Variants in EPHA6 observed in about 807,000 individuals in gnomAD.
EPHA6 encodes EPH receptor A6.
In EPHA6, 50 loss-of-function variants were observed where a neutral mutation model predicts 112.0. The ratio of observed to expected loss-of-function variants is 0.45; its 90% confidence interval spans 0.36 to 0.56. The LOEUF is 0.56. Ranked by LOEUF, EPHA6 falls within the 20% of genes least tolerant of loss-of-function variation. The probability of loss-of-function intolerance (pLI) is 0.00; values close to 1 mark genes in which losing one functional copy is unlikely to be tolerated. For missense variants in EPHA6, 1,280 were observed against 1,417.4 expected (o/e 0.90, Z 1.56); for synonymous variants, 529 against 490.7 (o/e 1.08, Z -1.03).
intron 6 of EPHA6, among the ~76,000 whole-genome samples, chr3:97,416,133 A>G (rs2088104290): frequency 6.6e-6 from 1 of 152,040 alleles, no homozygotes; most frequent in South Asian, 2.1e-4. Context: ...ATTTTGTTTT[A>G]ATATAGAAAA....
At chr3:97,042,883 G>T (rs1308818482) in intron 3 of EPHA6, among the ~76,000 whole-genome samples, 3 of 152,106 alleles carry the variant, frequency 2.0e-5, no homozygotes, top group Non-Finnish European at 4.4e-5. Flanking sequence ...AGGCAGTCTA[G>T]AACCTGTTGT....
At chr3:97,378,317 GAT>G (rs1313999707) in intron 5 of EPHA6, among the ~76,000 whole-genome samples, 1 of 152,178 alleles carries the variant, frequency 6.6e-6, no homozygotes, top group Non-Finnish European at 1.5e-5. Flanking sequence ...TCTCTGCCTA[GAT>G]TTAAGAAAAT....
At chr3:97,444,892 T>C (rs953174646) in intron 6 of EPHA6, among the ~76,000 whole-genome samples, 2 of 152,022 alleles carry the variant, frequency 1.3e-5, no homozygotes, top group African/African-American at 4.8e-5. Context: ...AGATTCAGTG[T>C]GACAGTATGA....
intron 5 of EPHA6, among the ~76,000 whole-genome samples, chr3:97,353,944 T>G (rs2083936732): frequency 6.6e-6 from 1 of 152,200 alleles, no homozygotes; most frequent in Non-Finnish European, 1.5e-5. Context: ...AGATTCCATT[T>G]GTTTGAGGGA....
intron 11 of EPHA6, among the ~76,000 whole-genome samples, chr3:97,562,564 G>T (rs1413577370): frequency 6.6e-6 from 1 of 152,134 alleles, no homozygotes; most frequent in Non-Finnish European, 1.5e-5. Flanking sequence ...CAAAGAAAGT[G>T]GTTTCTTGAG....
intron 14 of EPHA6, among the ~76,000 whole-genome samples, chr3:97,644,717 A>C (rs2094042212): frequency 6.7e-6 from 1 of 149,996 alleles, no homozygotes; most frequent in South Asian, 2.1e-4. Flanking sequence ...TGACACATAC[A>C]CTCTCCCAAG....
chr3:97,010,154 G>A (rs574497354), intron 3 of EPHA6: 2 of 1,157,682 alleles, frequency 1.7e-6, no homozygotes, highest in East Asian at 1.1e-4. Context: ...TTTTTATTTT[G>A]TTGTGTTTTC....
chr3:97,683,025 A>G (rs1351575203), intron 14 of EPHA6, among the ~76,000 whole-genome samples: 1 of 152,204 alleles, frequency 6.6e-6, no homozygotes, highest in Non-Finnish European at 1.5e-5. Context: ...TAAGATTTAC[A>G]GAAAATTTTA....
chr3:97,321,021 A>G (rs1179353004), intron 5 of EPHA6, among the ~76,000 whole-genome samples: 1 of 151,842 alleles, frequency 6.6e-6, no homozygotes, highest in Non-Finnish European at 1.5e-5. Context: ...CTGCACAACT[A>G]TTGATTTTTT....
rs369156821 is a variant in EPHA6, at chr3:96,987,740, G to T, written c.861G>T (p.Ala287=). The T allele has an allele frequency of 4.3e-6, 7 of 1,612,524 alleles. No homozygotes were observed. The Admixed American group carries it at 6.7e-5, about 15-fold the overall frequency. ...GFYLAFQDIG[A]CIALVSVRVF... ...ATCTGGCTTTTCAAGACATTGGGGC[G>T]TGCATTGCCCTGGTTTCAGTCCGTG... The change falls in exon 3 of 18, where the codon GCG becomes GCT. Residue 287 remains alanine, a synonymous_variant. Coordinates refer to ENST00000389672, the MANE Select transcript of EPHA6 (RefSeq NM_001080448.3).
chr3:97,324,405 T>TTTCTTTCTTTCTTTC (rs2082269089), intron 5 of EPHA6, among the ~76,000 whole-genome samples: 2 of 104,566 alleles, frequency 1.9e-5, no homozygotes, highest in South Asian at 3.5e-4. Flanking sequence ...GCTTTCCTTC[T>TTTCTTTCTTTCTTTC]TTTCTTTCTT....
chr3:97,384,876 T>C (rs2085968162), intron 5 of EPHA6, among the ~76,000 whole-genome samples: 1 of 152,150 alleles, frequency 6.6e-6, no homozygotes, highest in African/African-American at 2.4e-5. Context: ...CACACTAAGT[T>C]TGGTAAATAA....
At chr3:97,212,433 A>C (rs1176690392) in intron 3 of EPHA6, among the ~76,000 whole-genome samples, 1 of 152,220 alleles carries the variant, frequency 6.6e-6, no homozygotes, top group East Asian at 1.9e-4. Context: ...TTATTACCAG[A>C]TTATATTCAA....
In EPHA6 at chr3:96,866,822, C is replaced by A; in HGVS notation, c.386-3C>A. ...GGAATTTTTATTTTCTATTTAATTC[C>A]AGTTGTGTTGCTTGATACAACAACT... On this transcript the variant is annotated splice_polypyrimidine_tract_variant and splice_region_variant and intron_variant, in intron 1 of 17. Coordinates refer to ENST00000389672, the MANE Select transcript of EPHA6 (RefSeq NM_001080448.3). 1 of 1,447,000 alleles carries A rather than the reference C, an allele frequency of 6.9e-7. No individual in the cohort carries two copies. The highest frequency in any genetic ancestry group is 1.5e-5 in the South Asian group (1 of 64,706). The allele number at this position is 1,447,000 out of a possible 1,614,324, so 89.6% of individuals were successfully genotyped here.
intron 2 of EPHA6, among the ~76,000 whole-genome samples, chr3:96,977,110 G>A (rs868848510): frequency 1.4e-4 from 21 of 152,278 alleles, no homozygotes; most frequent in Middle Eastern, 3.4e-3. Context: ...ATGCTGCCTA[G>A]GGTCTTAGGA....
At chr3:96,861,581 T>G (rs1229383794) in intron 1 of EPHA6, among the ~76,000 whole-genome samples, 18 of 152,014 alleles carry the variant, frequency 1.2e-4, no homozygotes, top group Non-Finnish European at 2.6e-4. Flanking sequence ...TATTCTCTAA[T>G]TAGAAAAAGC....
intron 3 of EPHA6, among the ~76,000 whole-genome samples, chr3:97,037,232 A>G (rs1489991039): frequency 6.6e-6 from 1 of 151,792 alleles, no homozygotes; most frequent in African/African-American, 2.4e-5. Context: ...CGTGGGAAGT[A>G]TGCACATACA....
At chr3:97,555,127 G>A (rs1319761302) in intron 11 of EPHA6, among the ~76,000 whole-genome samples, 1 of 133,104 alleles carries the variant, frequency 7.5e-6, no homozygotes, top group Non-Finnish European at 1.5e-5. Context: ...TCCCCTTCCT[G>A]TGTCCATGTG....
intron 3 of EPHA6, among the ~76,000 whole-genome samples, chr3:97,189,853 T>G (rs2077253736): frequency 6.6e-6 from 1 of 152,070 alleles, no homozygotes. Context: ...TGAATATATA[T>G]AGATATATTT....
Sources: allele counts gnomAD v4.1 joint callset (sites outside exome capture counted in the v4.1 genomes callset), GRCh38; gene constraint gnomAD v4.1.1; transcripts MANE v1.5; gene names NCBI Gene and HGNC (gene_info 2026-07-23, HGNC 2026-07-21).